The following TRAM1L1 variants were observed in gnomAD, a reference collection of about 807,000 sequenced individuals.
TRAM1L1 encodes the protein translocation associated membrane protein 1 like 1.
For missense variants in TRAM1L1, 451 were observed against 439.9 expected (o/e 1.03, Z -0.23); for synonymous variants, 189 against 163.6 (o/e 1.16, Z -1.18).
In TRAM1L1 at chr4:117,084,535, G is replaced by C. The variant is rs142078992; in HGVS notation, c.859C>G (p.Leu287Val). Residue 287 changes from leucine to valine, a missense_variant, in exon 1 of 1, where the codon CTT (leucine) becomes GTT (valine). Coordinates refer to ENST00000310754, the MANE Select transcript of TRAM1L1 (RefSeq NM_152402.3). ...GCCAACACATTTACATTTCCAGTAA[G>C]GGCATCAGGATTCCGATTCTGCGAT... ...AGSQNRNPDA[L>V]TGNVNVLAAK... 14 of 1,613,978 alleles carry C rather than the reference G, an allele frequency of 8.7e-6. No individual in the cohort carries two copies. The highest frequency in any genetic ancestry group is 1.1e-5 in the Non-Finnish European group (13 of 1,180,032).
chr4:117,084,599 T>C lies in TRAM1L1; in HGVS notation c.795A>G (p.Leu265=). Residue 265 remains leucine (L), a synonymous_variant, in exon 1 of 1, where the codon TTA becomes TTG. Coordinates refer to ENST00000310754, the MANE Select transcript of TRAM1L1 (RefSeq NM_152402.3). ...ACCCAACAGTGAGTACGGAAACAAT[T>C]AAAGTCACAAGTCTACCCAAGATAA... The part of the protein sequence containing the change: ...IVFILGRLVT[L]IVSVLTVGFH... The C allele has an allele frequency of 6.2e-7, 1 of 1,614,128 alleles. No individual in the cohort carries two copies. The highest frequency in any genetic ancestry group is 8.5e-7 in the Non-Finnish European group (1 of 1,180,012).
In TRAM1L1 at chr4:117,084,098, A is replaced by T; in HGVS notation, c.*186T>A. ...GACGATGAGTAATTTAGTCTCAACC[A>T]AAATCTTTTTTTCCCATTCATAATA... On this transcript the variant is annotated 3_prime_UTR_variant, in exon 1 of 1. Transcript: ENST00000310754. 1 of 516,104 alleles carries T rather than the reference A, an allele frequency of 1.9e-6. No individual in the cohort carries two copies. Among genetic ancestry groups the T allele is most frequent in the Admixed American group, 3.7e-5 (1 of 26,670 alleles). The allele number at this position is 516,104 out of a possible 1,614,324, so 32.0% of individuals were successfully genotyped here.
rs17852850 is a variant in TRAM1L1 at position 117,085,218 on chromosome 4, A to G, written c.176T>C (p.Val59Ala). ...VFLTLQHSVAVPAAEEQATGS... is the reference protein window; with the variant it reads ...VFLTLQHSVAAPAAEEQATGS... ...CGTGGCTTGTTCCTCTGCTGCAGGGACAGCAACACTGTGCTGAAGAGTGAG... is the reference window on the plus strand; with the variant it reads ...CGTGGCTTGTTCCTCTGCTGCAGGGGCAGCAACACTGTGCTGAAGAGTGAG... The change falls in exon 1 of 1, where the codon GTC becomes GCC. Residue 59 changes from valine (V) to alanine (A), a missense_variant. Physicochemically the swap from Val to Ala is moderately conservative, Grantham distance 64 (BLOSUM62 0). Transcript: ENST00000310754. The G allele has an allele frequency of 5.6e-6, 9 of 1,614,102 alleles. No homozygotes were observed. The South Asian group carries it at 9.9e-5, about 18-fold the overall frequency.
In TRAM1L1 at chr4:117,084,493, G is replaced by T; in HGVS notation, c.901C>A (p.Leu301Met). The T allele has an allele frequency of 6.2e-7, 1 of 1,614,134 alleles. No individual in the cohort carries two copies. The highest frequency in any genetic ancestry group is 1.1e-5 in the South Asian group (1 of 91,082). ...GCTTGGATCGTGCAACTGGACGACA[G>T]AACAGCAATTTTAGCTGCCAACACA... ...VNVLAAKIAV[L>M]SSSCTIQAYV... Residue 301 changes from leucine (L) to methionine (M), a missense_variant, in exon 1 of 1, where the codon CTG (leucine) becomes ATG (methionine). Transcript: ENST00000310754.
In TRAM1L1 at chr4:117,084,858, G is replaced by A; in HGVS notation, c.536C>T (p.Ala179Val). The A allele has an allele frequency of 6.2e-7, 1 of 1,614,146 alleles. No individual in the cohort carries two copies. The highest frequency in any genetic ancestry group is 8.5e-7 in the Non-Finnish European group (1 of 1,180,014). Reference sequence around the variant, plus strand: ...TTTCTGGAAGTAGAGTTCAGGAAAAGCATGAAACCAGTAAGCCAACTGGGA... The same window carrying A: ...TTTCTGGAAGTAGAGTTCAGGAAAAACATGAAACCAGTAAGCCAACTGGGA... Reference protein sequence around the residue: ...YISQLAYWFHAFPELYFQKTK... With the variant: ...YISQLAYWFHVFPELYFQKTK... The change falls in exon 1 of 1, where the codon GCT (alanine) becomes GTT (valine). Residue 179 changes from alanine (A) to valine (V), a missense_variant. Ala to Val is a moderately conservative substitution (Grantham distance 64). Coordinates refer to ENST00000310754, the MANE Select transcript of TRAM1L1 (RefSeq NM_152402.3).
rs142876527 is a variant in TRAM1L1 at position 117,085,208 on chromosome 4, T to C, written c.186A>G (p.Ala62=). Residue 62 remains alanine, a synonymous_variant, in exon 1 of 1, where the codon GCA becomes GCG. Coordinates refer to ENST00000310754, the MANE Select transcript of TRAM1L1 (RefSeq NM_152402.3). ...TLQHSVAVPA[A]EEQATGSKSL... ...ACTTTGAGCCCGTGGCTTGTTCCTC[T>C]GCTGCAGGGACAGCAACACTGTGCT... The C allele has an allele frequency of 1.2e-6, 2 of 1,614,032 alleles. No individual in the cohort carries two copies. Among genetic ancestry groups the C allele is most frequent in the Non-Finnish European group, 1.7e-6 (2 of 1,180,024 alleles).
chr4:117,085,550 A>C lies in TRAM1L1; in HGVS notation c.-157T>G. 1 of 1,004,596 alleles carries C rather than the reference A, an allele frequency of 1.0e-6. No individual in the cohort carries two copies. The highest frequency in any genetic ancestry group is 1.4e-6 in the Non-Finnish European group (1 of 695,800). The allele number at this position is 1,004,596 out of a possible 1,614,324, so 62.2% of individuals were successfully genotyped here. The stretch of plus-strand genomic sequence containing the variant: ...GCCGCCCAGAAAAAAAATAAATCAA[A>C]GGCGAGGGCCGAGCTGAGCTGAGCA... On this transcript the variant is annotated 5_prime_UTR_variant, in exon 1 of 1. Transcript: ENST00000310754.
Position 117,084,228 on chromosome 4 carries a change from A to C in TRAM1L1, c.*56T>G, listed in dbSNP as rs1262501869. The C allele has an allele frequency of 1.3e-6, 2 of 1,510,148 alleles. No homozygotes were observed. The highest frequency in any genetic ancestry group is 2.8e-5 in the African/African-American group (2 of 71,512). The allele number at this position is 1,510,148 out of a possible 1,614,324, so 93.5% of individuals were successfully genotyped here. A position where few individuals can be genotyped will look rare whatever the true frequency, so the allele number is the denominator to read the frequency against. ...AAAACAGAAAAATCTCTAGTGCAGA[A>C]AGAAACCTCAAAGAGCAGATTCCTT... On this transcript the variant is annotated 3_prime_UTR_variant, in exon 1 of 1. Transcript: ENST00000310754.
Position 117,084,627 on chromosome 4 carries a change from A to T in TRAM1L1, c.767T>A (p.Val256Glu), listed in dbSNP as rs1015404475. Residue 256 changes from valine (V) to glutamate (E), a missense_variant, in exon 1 of 1, where the codon GTG becomes GAG. Transcript: ENST00000310754. ...AGTCACAAGTCTACCCAAGATAAAC[A>T]CAATGGCCCACAGAGATATGCCTTT... Reference protein sequence around the residue: ...YQKGISLWAIVFILGRLVTLI... With the variant: ...YQKGISLWAIEFILGRLVTLI... 1 of 1,614,222 alleles carries T rather than the reference A, an allele frequency of 6.2e-7. No homozygotes were observed. Among genetic ancestry groups the T allele is most frequent in the Non-Finnish European group, 8.5e-7 (1 of 1,180,046 alleles).
rs545482267 is a variant in TRAM1L1 at position 117,083,606 on chromosome 4, G to A, written c.*678C>T. ...TGAATTCCCATTTACAAGTGGAATG[G>A]ACAGGAATGATTTTAATATTTTTAT... On this transcript the variant is annotated 3_prime_UTR_variant, in exon 1 of 1. Transcript: ENST00000310754. 1 of 152,150 alleles carries A rather than the reference G, an allele frequency of 6.6e-6. No individual in the cohort carries two copies. Among genetic ancestry groups the A allele is most frequent in the Non-Finnish European group, 1.5e-5 (1 of 67,954 alleles). The allele number at this position is 152,150 out of a possible 1,614,324, so 9.4% of individuals were successfully genotyped here.
At position 117,085,549 on chromosome 4, in the gene TRAM1L1, A is replaced by T; in HGVS notation, c.-156T>A. On this transcript the variant is annotated 5_prime_UTR_variant, in exon 1 of 1. The change creates a new upstream start codon in the 5' untranslated region. Transcript: ENST00000310754. ...GGCCGCCCAGAAAAAAAATAAATCA[A>T]AGGCGAGGGCCGAGCTGAGCTGAGC... is the stretch of plus-strand genomic sequence containing the variant. 13 of 965,026 alleles carry T rather than the reference A, an allele frequency of 1.3e-5. No homozygotes were observed. Among genetic ancestry groups the T allele is most frequent in the Non-Finnish European group, 2.0e-5 (13 of 663,816 alleles). 59.8% of individuals were successfully genotyped at this position (965,026 alleles called of 1,614,324 possible).
chr4:117,085,340 G>A lies in TRAM1L1; in HGVS notation c.54C>T (p.Phe18=), dbSNP rs1732435043. ...TKNPPVLSQE[F]ILQNHADIVS... is the part of the protein sequence containing the mutation. ...CGATGTCCGCATGATTCTGCAGGAT[G>A]AATTCCTGGCTGAGAACGGGGGGGT... The change falls in exon 1 of 1, where the codon TTC becomes TTT. Residue 18 remains phenylalanine, a synonymous_variant. Transcript: ENST00000310754. The A allele has an allele frequency of 1.2e-6, 2 of 1,614,042 alleles. No homozygotes were observed. Among genetic ancestry groups the A allele is most frequent in the Non-Finnish European group, 1.7e-6 (2 of 1,180,012 alleles).
rs1732422858 is a variant in TRAM1L1, at chr4:117,084,968, A to C, written c.426T>G (p.Ser142=). The change falls in exon 1 of 1, where the codon TCT becomes TCG. Residue 142 remains serine, a synonymous_variant. Coordinates refer to ENST00000310754, the MANE Select transcript of TRAM1L1 (RefSeq NM_152402.3). ...SCIWGTFILI[S]ENCLSDPTLI... ...GAGTTGGGTCTGACAGGCAGTTTTC[A>C]GAGATTAAAATGAATGTGCCCCAAA... The C allele has an allele frequency of 6.2e-7, 1 of 1,614,156 alleles. No individual in the cohort carries two copies. Among genetic ancestry groups the C allele is most frequent in the East Asian group, 2.2e-5 (1 of 44,866 alleles).
chr4:117,085,027 C>A lies in TRAM1L1; in HGVS notation c.367G>T (p.Gly123Cys). Residue 123 changes from glycine to cysteine, a missense_variant, in exon 1 of 1, where the codon GGT becomes TGT. Physicochemically the swap from Gly to Cys is radical, Grantham distance 159. Transcript: ENST00000310754. ...AAAAAGTAGAACACACTAAACTGAC[C>A]AGACTCGTTAAACTTGTTTTGTTTC... Reference protein sequence around the residue: ...KAKQNKFNESGQFSVFYFFSC... With the variant: ...KAKQNKFNESCQFSVFYFFSC... 6.2e-7 allele frequency: 1 copy of A among 1,614,022 alleles called. No homozygotes were observed. Among genetic ancestry groups the A allele is most frequent in the South Asian group, 1.1e-5 (1 of 91,048 alleles).
Position 117,084,808 on chromosome 4 carries a change from G to T in TRAM1L1, c.586C>A (p.Gln196Lys), listed in dbSNP as rs1359195930. Residue 196 changes from glutamine (Q) to lysine (K), a missense_variant, in exon 1 of 1, where the codon CAA becomes AAA. Physicochemically the swap from Gln to Lys is moderately conservative, Grantham distance 53. Transcript: ENST00000310754. ...AGGTGAAGACCAATGTAGACAAGTT[G>T]ACGAGGGATGTCTTGTTTTTTGGTT... is the stretch of plus-strand genomic sequence containing the variant. ...QKTKKQDIPR[Q>K]LVYIGLHLFH... 6.2e-7 allele frequency: 1 copy of T among 1,614,068 alleles called. No individual in the cohort carries two copies. Among genetic ancestry groups the T allele is most frequent in the African/African-American group, 1.3e-5 (1 of 74,928 alleles).
At position 117,084,166 on chromosome 4, in the gene TRAM1L1, T is replaced by C. The variant is rs1732404068; in HGVS notation, c.*118A>G. 9.7e-7 allele frequency: 1 copy of C among 1,031,044 alleles called. No individual in the cohort carries two copies. Among genetic ancestry groups the C allele is most frequent in the South Asian group, 1.8e-5 (1 of 56,728 alleles). 63.9% of individuals were successfully genotyped at this position (1,031,044 alleles called of 1,614,324 possible). A position where few individuals can be genotyped will look rare whatever the true frequency, so the allele number is the denominator to read the frequency against. On this transcript the variant is annotated 3_prime_UTR_variant, in exon 1 of 1. Transcript: ENST00000310754. The stretch of plus-strand genomic sequence containing the variant: ...TGTCTTTAAAAAATACATGAAACAG[T>C]TCAATAACAAAAACCGAAGAGCACG...
rs760711730 is a variant in TRAM1L1 at position 117,084,902 on chromosome 4, T to A, written c.492A>T (p.Gln164His). 6.2e-7 allele frequency: 1 copy of A among 1,614,080 alleles called. No individual in the cohort carries two copies. The highest frequency in any genetic ancestry group is 2.2e-5 in the East Asian group (1 of 44,848). The change falls in exon 1 of 1, where the codon CAA (glutamine) becomes CAT (histidine). Residue 164 changes from glutamine (Q) to histidine (H), a missense_variant. Physicochemically the swap from Gln to His is conservative, Grantham distance 24. Coordinates refer to ENST00000310754, the MANE Select transcript of TRAM1L1 (RefSeq NM_152402.3). ...KARPHSMMTF[Q>H]MKFFYISQLA... Reference sequence around the variant, plus strand: ...ACTGGGATATGTAGAAAAACTTCATTTGAAATGTCATCATGCTATGGGGAC... The same window carrying A: ...ACTGGGATATGTAGAAAAACTTCATATGAAATGTCATCATGCTATGGGGAC...
chr4:117,085,145 A>AAC lies in TRAM1L1; in HGVS notation c.247_248dup (p.Phe85SerfsTer57). On this transcript the variant is annotated frameshift_variant, in exon 1 of 1. Transcript: ENST00000310754. LOFTEE classifies it low-confidence loss of function (END_TRUNC). ...TGATTGCCACCAGCATGTAGAAGAA[A>AAC]ACCGTGGCCAAATCTTTGACACCAT... The AAC allele has an allele frequency of 6.2e-7, 1 of 1,614,142 alleles. No homozygotes were observed. Among genetic ancestry groups the AAC allele is most frequent in the Non-Finnish European group, 8.5e-7 (1 of 1,180,030 alleles).
In TRAM1L1 at chr4:117,084,927, C is replaced by G; in HGVS notation, c.467G>C (p.Arg156Pro). 2 of 1,614,006 alleles carry G rather than the reference C, an allele frequency of 1.2e-6. No individual in the cohort carries two copies. The highest frequency in any genetic ancestry group is 1.7e-6 in the Non-Finnish European group (2 of 1,180,008). ...LSDPTLIWKA[R>P]PHSMMTFQMK... Reference sequence around the variant, plus strand: ...TTGAAATGTCATCATGCTATGGGGACGAGCCTTCCATATAAGAGTTGGGTC... The same window carrying G: ...TTGAAATGTCATCATGCTATGGGGAGGAGCCTTCCATATAAGAGTTGGGTC... Residue 156 changes from arginine (R) to proline (P), a missense_variant, in exon 1 of 1, where the codon CGT (arginine) becomes CCT (proline). By Grantham distance (103) the Arg-to-Pro change is moderately radical. Transcript: ENST00000310754.
Sources: gnomAD v4.1 joint callset for allele counts on GRCh38, gnomAD v4.1.1 for gene constraint, MANE v1.5 for transcripts, NCBI Gene and HGNC (gene_info 2026-07-23, HGNC 2026-07-21) for gene names.